Variants in KLRD1 observed in about 807,000 individuals in gnomAD.
The protein encoded by KLRD1 is killer cell lectin like receptor D1.
In KLRD1, 21 loss-of-function variants were observed where a neutral mutation model predicts 22.6. The ratio of observed to expected loss-of-function variants is 0.93; its 90% CI spans 0.66 to 1.34. KLRD1 has a LOEUF of 1.34. Among genes scored for constraint, KLRD1 ranks in the 40% most tolerant of loss-of-function variants. The pLI, the probability that KLRD1 is intolerant of heterozygous loss-of-function variation, is 0.00. For synonymous variants in KLRD1, 59 were observed against 71.1 expected, an observed-to-expected ratio of 0.83 and a Z score of 0.85; for missense variants, 183 against 208.6, an observed-to-expected ratio of 0.88 and a Z score of 0.76.
In KLRD1 at chr12:10,248,536, TCCTTCCTTCC is replaced by T. The variant is rs1565446953; in HGVS notation, c.-101+22304_-101+22313del. Reference sequence around the variant, plus strand: ...TTATTTAAATGTATTTTCTTTTCCTTCCTTCCTTCCTTCCTTCCTTCCTTCCTTCCTTCCT... The same window carrying T: ...TTATTTAAATGTATTTTCTTTTCCTTTTCCTTCCTTCCTTCCTTCCTTCCT... On this transcript the variant is annotated intron_variant, in intron 1 of 5. Coordinates refer to the KLRD1 transcript ENST00000544747. Among the ~76,000 whole-genome samples the T allele has an allele frequency of 7.8e-3, 878 of 112,296 alleles. 16 individuals are homozygous for T. The highest frequency in any genetic ancestry group is 0.023 in the African/African-American group (680 of 29,478). The allele number at this position is 112,296 out of a possible 152,430, so 73.7% of individuals were successfully genotyped here.
intron 1 of KLRD1, among the ~76,000 whole-genome samples, chr12:10,268,308 T>C (rs892750014): frequency 2.6e-5 from 4 of 152,184 alleles, no homozygotes; most frequent in Admixed American, 1.3e-4. Flanking sequence ...GCAGGGTAAG[T>C]TAACAGTATT....
At chr12:10,296,850 G>T (rs1163361579) in intron 1 of KLRD1, among the ~76,000 whole-genome samples, 2 of 152,124 alleles carry the variant, frequency 1.3e-5, no homozygotes, top group Non-Finnish European at 2.9e-5. Context: ...TTCCAACCAG[G>T]GGTTTATAAA....
chr12:10,260,576 G>C (rs1011271893), intron 1 of KLRD1, among the ~76,000 whole-genome samples: 2 of 152,106 alleles, frequency 1.3e-5, no homozygotes, highest in Admixed American at 6.5e-5. Flanking sequence ...GCCGAGGTGG[G>C]TGGGTCACGA....
chr12:10,288,846 G>A (rs1055936955), intron 1 of KLRD1, among the ~76,000 whole-genome samples: 4 of 152,164 alleles, frequency 2.6e-5, no homozygotes, highest in African/African-American at 7.2e-5. Context: ...ACTTGAGAAT[G>A]TATAAAGTGT....
At chr12:10,303,106 A>G (rs755080633), upstream of KLRD1, among the ~76,000 whole-genome samples, 3 of 152,206 alleles carry the variant, frequency 2.0e-5, no homozygotes, top group Non-Finnish European at 2.9e-5. Context: ...GATTAAATCA[A>G]CTATGCCAGA....
intron 1 of KLRD1, among the ~76,000 whole-genome samples, chr12:10,250,385 G>A (rs917795795): frequency 6.6e-6 from 1 of 151,990 alleles, no homozygotes; most frequent in Admixed American, 6.6e-5. Flanking sequence ...CCTTGGTTTG[G>A]GTTCTGTAGC....
intron 1 of KLRD1, among the ~76,000 whole-genome samples, chr12:10,284,755 C>T (rs1303202356): frequency 1.3e-5 from 2 of 152,070 alleles, no homozygotes; most frequent in Non-Finnish European, 2.9e-5. Context: ...GAGGCCAAGG[C>T]GGGCAGATCA....
chr12:10,265,849 T>C (rs1359614903), intron 1 of KLRD1, among the ~76,000 whole-genome samples: 3 of 152,250 alleles, frequency 2.0e-5, no homozygotes, highest in African/African-American at 4.8e-5. Context: ...AGCTTCTTCA[T>C]TTATGGAGCA....
intron 4 of KLRD1, among the ~76,000 whole-genome samples, chr12:10,312,677 C>A (rs904203369): frequency 6.6e-6 from 1 of 151,180 alleles, no homozygotes; most frequent in Non-Finnish European, 1.5e-5. Context: ...CGTGCCCGGC[C>A]CCTAATTACC....
At chr12:10,296,653 A>G (rs746641724) in intron 1 of KLRD1, among the ~76,000 whole-genome samples, 1 of 152,232 alleles carries the variant, frequency 6.6e-6, no homozygotes, top group Non-Finnish European at 1.5e-5. Context: ...GTAATAATTT[A>G]TACTCCATGA....
chr12:10,257,479 A>ATT (rs1239055884), intron 1 of KLRD1, among the ~76,000 whole-genome samples: 1 of 42,318 alleles, frequency 2.4e-5, no homozygotes, highest in African/African-American at 1.2e-4. Context: ...CAGGTAGCTG[A>ATT]TTCTTTTTTT....
At position 10,325,331 on chromosome 12, in the gene KLRD1, G is replaced by A. The variant is rs1296330725; in HGVS notation, c.*10538G>A. The A allele has an allele frequency of 2.6e-5, 4 of 151,902 alleles. No individual in the cohort carries two copies. Among genetic ancestry groups the A allele is most frequent in the African/African-American group, 9.7e-5 (4 of 41,348 alleles). The allele number at this position is 151,902 out of a possible 1,614,324, so 9.4% of individuals were successfully genotyped here. On this transcript the variant is annotated 3_prime_UTR_variant, in exon 6 of 6. Coordinates refer to ENST00000336164, the MANE Select transcript of KLRD1 (RefSeq NM_002262.5). ...CATGTTATCTTTTTTACGTATCTTT[G>A]CAGATGCTTTGCTAATTTTTTAAAA...
rs7316530 is a variant in KLRD1 at position 10,316,512 on chromosome 12, C to T, written c.*1719C>T. 61,958 of 151,736 alleles carry T rather than the reference C, an allele frequency of 0.41. 12,684 individuals are homozygous for T. Among genetic ancestry groups the T allele is most frequent in the East Asian group, 0.5 (2,581 of 5,136 alleles). 9.4% of individuals were successfully genotyped at this position (151,736 alleles called of 1,614,324 possible). ...CAACTTCCCAGGCTCAAGGGATCCT[C>T]CCACCTCAGCCTTCTGAGTACTTGG... On this transcript the variant is annotated 3_prime_UTR_variant, in exon 6 of 6. Coordinates refer to ENST00000336164, the MANE Select transcript of KLRD1 (RefSeq NM_002262.5).
intron 1 of KLRD1, among the ~76,000 whole-genome samples, chr12:10,257,305 T>C (rs572873633): frequency 6.6e-6 from 1 of 151,404 alleles, no homozygotes; most frequent in East Asian, 1.9e-4. Context: ...GCAAATTTCT[T>C]TATTTTTTAA....
rs368001467 is a variant in KLRD1 at position 10,274,004 on chromosome 12, C to T, written c.-100-33974C>T. Among the ~76,000 whole-genome samples the T allele has an allele frequency of 2.2e-4, 34 of 152,088 alleles. No homozygotes were observed. The South Asian group carries it at 4.6e-3, about 20-fold the overall frequency. On this transcript the variant is annotated intron_variant, in intron 1 of 5. Coordinates refer to the KLRD1 transcript ENST00000544747. ...TTCTTAAAAATTTTTAAATGTTGGC[C>T]AGGCATGGTGGCTCATGCTTGTAAT...
intron 1 of KLRD1, among the ~76,000 whole-genome samples, chr12:10,276,898 ATTTAAT>A (rs1949597327): frequency 6.6e-6 from 1 of 152,140 alleles, no homozygotes; most frequent in African/African-American, 2.4e-5. Flanking sequence ...AGATGATGAA[ATTTAAT>A]TTAGCTGCAT....
chr12:10,265,163 T>A (rs1030294124), intron 1 of KLRD1, among the ~76,000 whole-genome samples: 13 of 152,176 alleles, frequency 8.5e-5, no homozygotes, highest in African/African-American at 2.7e-4. Flanking sequence ...TTTTTACTTT[T>A]AAAAAAATTT....
At position 10,270,182 on chromosome 12, in the gene KLRD1, G is replaced by A. The variant is rs148174594; in HGVS notation, c.-100-37796G>A. 3.5e-3 allele frequency among the ~76,000 whole-genome samples: 536 copies of A among 152,098 alleles called. 1 individual carries two copies. The highest frequency in any genetic ancestry group is 0.012 in the African/African-American group (506 of 41,472). On this transcript the variant is annotated intron_variant, in intron 1 of 5. Transcript: ENST00000544747. ...ACTAACATCTTTTTATGAGGACACCGGGGCCTATGCCATTGCTGATAACTC... is the reference window on the plus strand; with the variant it reads ...ACTAACATCTTTTTATGAGGACACCAGGGCCTATGCCATTGCTGATAACTC...
At chr12:10,300,987 G>A (rs552433379), upstream of KLRD1, among the ~76,000 whole-genome samples, 28 of 152,182 alleles carry the variant, frequency 1.8e-4, no homozygotes, top group Admixed American at 5.9e-4. Context: ...AAGAGTTAGG[G>A]TTCTAGATTA....
Sources: allele counts gnomAD v4.1 joint callset (sites outside exome capture counted in the v4.1 genomes callset), GRCh38; gene constraint gnomAD v4.1.1; transcripts MANE v1.5; gene names NCBI Gene and HGNC (gene_info 2026-07-23, HGNC 2026-07-21).